The following GGT5 variants were observed in gnomAD, a reference collection of about 807,000 sequenced individuals.
GGT5 encodes the protein gamma-glutamyltransferase 5, also known as glutathione hydrolase 5 proenzyme.
In GGT5, 50 loss-of-function variants were observed where a neutral mutation model predicts 58.1. The observed-to-expected ratio is 0.86, with a 90% confidence interval of 0.69 to 1.09. GGT5 has a LOEUF of 1.09. Ranked by LOEUF, GGT5 falls within the 50% of genes least tolerant of loss-of-function variation. The pLI, the probability that GGT5 is intolerant of heterozygous loss-of-function variation, is 0.00. For synonymous variants in GGT5, 370 were observed against 346.1 expected (o/e 1.07, Z -0.77); for missense variants, 800 against 789.4 (o/e 1.01, Z -0.16).
intron 6 of GGT5, among the ~76,000 whole-genome samples, chr22:24,227,776 C>A (rs1001271560): frequency 6.6e-6 from 1 of 151,864 alleles, no homozygotes; most frequent in South Asian, 2.1e-4. Flanking sequence ...CAAAATAGAG[C>A]GGCAGCCAGC....
intron 6 of GGT5, among the ~76,000 whole-genome samples, chr22:24,227,153 T>A (rs1415939607): frequency 5.3e-5 from 8 of 150,482 alleles, no homozygotes; most frequent in Admixed American, 5.3e-4. Flanking sequence ...TTTCGCCATG[T>A]TGTTCAGGCT....
rs751403095 is a variant in GGT5, at chr22:24,225,587, C to T, written c.1295G>A (p.Cys432Tyr). The T allele has an allele frequency of 3.7e-6, 6 of 1,613,400 alleles. No homozygotes were observed. The African/African-American group carries it at 4.0e-5, about 11-fold the overall frequency. The change falls in exon 9 of 12, where the codon TGC becomes TAC. Residue 432 changes from cysteine to tyrosine, a missense_variant. Coordinates refer to ENST00000327365, the MANE Select transcript of GGT5 (RefSeq NM_004121.5). ...GCCGGAACCCCGGGGGCATCGCTCG[C>T]ATAAGTCCAGGAGCTCGTTGTTGAG... is the stretch of plus-strand genomic sequence containing the variant. ...IILNNELLDLCERCPRGSGTT... is the reference protein window; with the variant it reads ...IILNNELLDLYERCPRGSGTT...
At chr22:24,226,908 T>A (rs1053159053) in intron 6 of GGT5, 141 bp from the exon 7 acceptor site, 13 of 543,294 alleles carry the variant, frequency 2.4e-5, no homozygotes, top group Admixed American at 1.9e-4. Context: ...AGCACAAGAG[T>A]GACTAATACC....
intron 3 of GGT5, 78 bp from the exon 4 acceptor site, chr22:24,233,096 C>T (rs2047997803): frequency 1.8e-6 from 2 of 1,103,820 alleles, no homozygotes; most frequent in Admixed American, 3.2e-5. Context: ...CATGTGGCCC[C>T]CCAGTTACAG....
At position 24,223,056 on chromosome 22, in the gene GGT5, C is replaced by T. The variant is rs929316316; in HGVS notation, c.1614+1940G>A. On this transcript the variant is annotated intron_variant, in intron 11 of 11. Coordinates refer to ENST00000327365, the MANE Select transcript of GGT5 (RefSeq NM_004121.5). ...AGTGAGCCAAGATCGTGCCACTGCA[C>T]GCCAGCCTGGGCAACAGAGCGAGAC... 3.3e-5 allele frequency among the ~76,000 whole-genome samples: 5 copies of T among 150,412 alleles called. No homozygotes were observed. The East Asian group carries it at 5.9e-4, about 18-fold the overall frequency.
chr22:24,244,643 A>T lies in GGT5; in HGVS notation c.83T>A (p.Val28Asp). 6.2e-7 allele frequency: 1 copy of T among 1,612,862 alleles called. No homozygotes were observed. The change falls in exon 1 of 12, where the codon GTC becomes GAC. Residue 28 changes from valine (V) to aspartate (D), a missense_variant. Transcript: ENST00000327365. ...LALAVIVLAV[V>D]LSRHQAPCGP... ...ACATGGGGCCTGGTGTCGAGAGAGGACCACAGCCAGCACAATGACAGCCAG... is the reference window on the plus strand; with the variant it reads ...ACATGGGGCCTGGTGTCGAGAGAGGTCCACAGCCAGCACAATGACAGCCAG...
intron 6 of GGT5, among the ~76,000 whole-genome samples, chr22:24,227,156 T>C (rs1411973590): frequency 1.3e-5 from 2 of 152,072 alleles, no homozygotes; most frequent in Non-Finnish European, 2.9e-5. Flanking sequence ...CGCCATGTTG[T>C]TCAGGCTGGT....
At chr22:24,221,687 ATT>A (rs769918957) in intron 11 of GGT5, among the ~76,000 whole-genome samples, 6 of 151,970 alleles carry the variant, frequency 3.9e-5, no homozygotes, top group Non-Finnish European at 7.4e-5. Flanking sequence ...AATTTTTGTA[ATT>A]TTAGTAGAGA....
intron 2 of GGT5, 140 bp downstream of exon 2, chr22:24,233,734 C>G: frequency 1.1e-6 from 1 of 929,308 alleles, no homozygotes. Flanking sequence ...GGGCTTTGCA[C>G]AGCTGAGGCA....
intron 1 of GGT5, chr22:24,241,849 C>G (rs1404595151): frequency 1.4e-5 from 2 of 147,950 alleles, no homozygotes; most frequent in Admixed American, 6.8e-5. Context: ...CCAAGTCTTG[C>G]TCTGTCACCC....
In GGT5 at chr22:24,225,605, T is replaced by C; in HGVS notation, c.1277A>G (p.Asn426Ser). The change falls in exon 9 of 12, where the codon AAC becomes AGC. Residue 426 changes from asparagine to serine, a missense_variant. Asn to Ser is a conservative substitution (Grantham distance 46). Transcript: ENST00000327365. ...YSPRTGIILN[N>S]ELLDLCERCP... Reference sequence around the variant, plus strand: ...TCGCTCGCATAAGTCCAGGAGCTCGTTGTTGAGGATGATGCCTGTCCGTGG... The same window carrying C: ...TCGCTCGCATAAGTCCAGGAGCTCGCTGTTGAGGATGATGCCTGTCCGTGG... The C allele has an allele frequency of 6.2e-7, 1 of 1,613,306 alleles. No homozygotes were observed. The highest frequency in any genetic ancestry group is 8.5e-7 in the Non-Finnish European group (1 of 1,179,428).
rs1314086380 is a variant in GGT5, at chr22:24,232,942, C to T, written c.477G>A (p.Trp159Ter). The T allele has an allele frequency of 4.5e-6, 7 of 1,571,312 alleles. No homozygotes were observed. The highest frequency in any genetic ancestry group is 2.3e-5 in the South Asian group (2 of 85,700). ...CGATGGTGGGCTGGAACAGCTGCGC[C>T]CAGGGCAGGCGGCCATGGCGGCGGT... ...EAHRRHGRLP[W>*]AQLFQPTIAL... is the part of the protein sequence containing the mutation. The change falls in exon 4 of 12, where the codon TGG becomes TGA. Residue 159 changes from tryptophan (W) to a stop codon, truncating the protein, a stop_gained. Transcript: ENST00000327365. LOFTEE classifies it high-confidence loss of function.
intron 1 of GGT5, among the ~76,000 whole-genome samples, chr22:24,238,249 G>C (rs997676588): frequency 8.7e-5 from 13 of 148,904 alleles, no homozygotes; most frequent in African/African-American, 2.2e-4. Context: ...AAAAAAAAAG[G>C]CCAGGCGCGG....
At chr22:24,222,945 T>C (rs1054352491) in intron 11 of GGT5, among the ~76,000 whole-genome samples, 5 of 151,786 alleles carry the variant, frequency 3.3e-5, no homozygotes, top group Non-Finnish European at 7.4e-5. Flanking sequence ...AGCGTGGTGG[T>C]GGGTGCCTGT....
Position 24,244,671 on chromosome 22 carries a change from C to T in GGT5, c.55G>A (p.Ala19Thr), listed in dbSNP as rs2048426262. 6 of 1,612,844 alleles carry T rather than the reference C, an allele frequency of 3.7e-6. No homozygotes were observed. Among genetic ancestry groups the T allele is most frequent in the Middle Eastern group, 1.9e-4 (1 of 5,382 alleles). Reference protein sequence around the residue: ...VSLVLLGLGLALAVIVLAVVL... With the variant: ...VSLVLLGLGLTLAVIVLAVVL... ...ACAGCCAGCACAATGACAGCCAGCGCCAGCCCCAGACCCAGCAGGACTAGG... is the reference window on the plus strand; with the variant it reads ...ACAGCCAGCACAATGACAGCCAGCGTCAGCCCCAGACCCAGCAGGACTAGG... Residue 19 changes from alanine to threonine, a missense_variant, in exon 1 of 12, where the codon GCG becomes ACG. Physicochemically the swap from Ala to Thr is moderately conservative, Grantham distance 58. Coordinates refer to ENST00000327365, the MANE Select transcript of GGT5 (RefSeq NM_004121.5).
rs2048434832 is a variant in GGT5, at chr22:24,244,938, A to G, written c.-213T>C. ...TAAGAGAAAGATGGTCAGATAGACA[A>G]TGGGACAGAGATGGGCTTACAGATG... On this transcript the variant is annotated 5_prime_UTR_variant, in exon 1 of 12. Transcript: ENST00000327365. 8.6e-6 allele frequency: 7 copies of G among 812,734 alleles called. No individual in the cohort carries two copies. The South Asian group carries it at 1.3e-4, about 15-fold the overall frequency. The allele number at this position is 812,734 out of a possible 1,614,324, so 50.3% of individuals were successfully genotyped here.
At chr22:24,230,763 T>G (rs753812749) in intron 6 of GGT5, among the ~76,000 whole-genome samples, 10 of 152,142 alleles carry the variant, frequency 6.6e-5, no homozygotes, top group Admixed American at 4.6e-4. Flanking sequence ...CAAACATCAT[T>G]TTCTTTGAGA....
At chr22:24,232,350 G>A (rs1341038431) in intron 4 of GGT5, 142 bp from the exon 5 acceptor site, 9 of 561,388 alleles carry the variant, frequency 1.6e-5, no homozygotes, top group East Asian at 3.1e-5. Context: ...GGTGGACACC[G>A]GGGAACTGAT....
At position 24,244,690 on chromosome 22, in the gene GGT5, G is replaced by GA; in HGVS notation, c.35dup (p.Leu13ProfsTer301). On this transcript the variant is annotated frameshift_variant, in exon 1 of 12. Coordinates refer to ENST00000327365, the MANE Select transcript of GGT5 (RefSeq NM_004121.5). LOFTEE classifies it high-confidence loss of function. ...CCAGCGCCAGCCCCAGACCCAGCAG[G>GA]ACTAGGCTGACCGTGGCCCCGTAGC... 1 of 1,612,572 alleles carries GA rather than the reference G, an allele frequency of 6.2e-7. No individual in the cohort carries two copies. Among genetic ancestry groups the GA allele is most frequent in the South Asian group, 1.1e-5 (1 of 91,032 alleles).
Sources: allele counts gnomAD v4.1 joint callset (sites outside exome capture counted in the v4.1 genomes callset), GRCh38; gene constraint gnomAD v4.1.1; transcripts MANE v1.5; gene names NCBI Gene and HGNC (gene_info 2026-07-23, HGNC 2026-07-21).